Variants in NALF1 observed in about 807,000 individuals in gnomAD.
NALF1 encodes family with sequence similarity 155 member A.
NALF1 carries 3 observed loss-of-function variants against 48.4 expected under a neutral mutation model. That is an observed-to-expected ratio of 0.06 (90% CI 0.03 to 0.16). NALF1 has a LOEUF of 0.16. NALF1 is among the 10% of genes least tolerant of loss of function. NALF1 has a pLI of 1.00. For synonymous variants in NALF1, 262 were observed against 245.7 expected, an observed-to-expected ratio of 1.07 and a Z score of -0.62; for missense variants, 526 against 571.5, an observed-to-expected ratio of 0.92 and a Z score of 0.81.
chr13:107,418,214 T>C (rs1269425505), intron 1 of NALF1, among the ~76,000 whole-genome samples: 1 of 152,162 alleles, frequency 6.6e-6, no homozygotes, highest in African/African-American at 2.4e-5. Flanking sequence ...TTGGAGACTA[T>C]CCCTATGCAG....
At chr13:107,283,328 G>A (rs985002242) in intron 1 of NALF1, among the ~76,000 whole-genome samples, 6 of 152,078 alleles carry the variant, frequency 3.9e-5, no homozygotes, top group South Asian at 2.1e-4. Flanking sequence ...GGTGAAGTAC[G>A]GCAGCTCCAG....
At chr13:107,832,871 G>C (rs972952068) in intron 1 of NALF1, among the ~76,000 whole-genome samples, 4 of 151,906 alleles carry the variant, frequency 2.6e-5, no homozygotes, top group Non-Finnish European at 5.9e-5. Flanking sequence ...CAAATCATAG[G>C]CTGCATCTTC....
chr13:107,675,508 T>C (rs565801321), intron 1 of NALF1, among the ~76,000 whole-genome samples: 81 of 152,378 alleles, frequency 5.3e-4, no homozygotes, highest in African/African-American at 1.9e-3. Context: ...CTCGTTTCTT[T>C]TTCTTGAATC....
chr13:107,222,533 C>G (rs1452259079), intron 1 of NALF1, among the ~76,000 whole-genome samples: 1 of 152,136 alleles, frequency 6.6e-6, no homozygotes, highest in East Asian at 1.9e-4. Flanking sequence ...CATACTTTAA[C>G]AGATTATCTT....
intron 1 of NALF1, among the ~76,000 whole-genome samples, chr13:107,713,450 G>C (rs957958435): frequency 2.0e-5 from 3 of 152,156 alleles, no homozygotes; most frequent in African/African-American, 7.2e-5. Flanking sequence ...GCTGTGCCAA[G>C]TGCCTTACAT....
intron 1 of NALF1, among the ~76,000 whole-genome samples, chr13:107,340,488 T>TCTTTCTTTCTTTCTTCTCTC (rs753373252): frequency 2.2e-5 from 1 of 45,248 alleles, no homozygotes; most frequent in Non-Finnish European, 7.1e-5. Context: ...TTTCTTTCTT[T>TCTTTCTTTCTTTCTTCTCTC]TTGTCTTTCT....
In NALF1 at chr13:107,745,619, A is replaced by C. The variant is rs1174081713; in HGVS notation, c.915+120063T>G. ...AATCAAGGAGTAGTTCTGCTTGCACATGGTACCAATATTTATTTATTTATT... is the reference window on the plus strand; with the variant it reads ...AATCAAGGAGTAGTTCTGCTTGCACCTGGTACCAATATTTATTTATTTATT... On this transcript the variant is annotated intron_variant, in intron 1 of 2. Coordinates refer to ENST00000375915, the MANE Select transcript of NALF1 (RefSeq NM_001080396.3). Among the ~76,000 whole-genome samples, 4 of 152,104 alleles carry C rather than the reference A, an allele frequency of 2.6e-5. No individual in the cohort carries two copies. In the East Asian group the frequency reaches 5.8e-4, roughly 22 times the overall value.
intron 1 of NALF1, among the ~76,000 whole-genome samples, chr13:107,797,285 G>A (rs1395427160): frequency 5.9e-5 from 9 of 151,962 alleles, no homozygotes; most frequent in African/African-American, 9.7e-5. Flanking sequence ...AGCTCACTGC[G>A]AGCTCTGCTT....
At chr13:107,740,878 A>T (rs1340882967) in intron 1 of NALF1, among the ~76,000 whole-genome samples, 1 of 152,226 alleles carries the variant, frequency 6.6e-6, no homozygotes, top group Non-Finnish European at 1.5e-5. Flanking sequence ...TGTACAAGAG[A>T]AGGATAAGCT....
intron 1 of NALF1, among the ~76,000 whole-genome samples, chr13:107,721,924 T>C (rs1381088898): frequency 6.6e-6 from 1 of 152,218 alleles, no homozygotes; most frequent in African/African-American, 2.4e-5. Context: ...GCTTTTGGCG[T>C]GCTCTGTTTA....
chr13:107,516,833 T>C (rs564978051), intron 1 of NALF1, among the ~76,000 whole-genome samples: 4 of 152,290 alleles, frequency 2.6e-5, no homozygotes, highest in African/African-American at 9.6e-5. Flanking sequence ...CAAATAAACA[T>C]TAAAGTTTGT....
intron 1 of NALF1, among the ~76,000 whole-genome samples, chr13:107,563,734 G>A (rs886725793): frequency 6.6e-6 from 1 of 152,154 alleles, no homozygotes; most frequent in African/African-American, 2.4e-5. Context: ...TTACCATTCT[G>A]GTCACTGGCA....
chr13:107,460,330 G>T (rs948017186), intron 1 of NALF1, among the ~76,000 whole-genome samples: 1 of 152,202 alleles, frequency 6.6e-6, no homozygotes, highest in East Asian at 1.9e-4. Context: ...TGGGAGCTCA[G>T]CAACGAGGGT....
At chr13:107,551,771 C>G (rs538665301) in intron 1 of NALF1, among the ~76,000 whole-genome samples, 1 of 152,030 alleles carries the variant, frequency 6.6e-6, no homozygotes, top group Non-Finnish European at 1.5e-5. Flanking sequence ...ATAATCCTTG[C>G]AGTATTTCTT....
chr13:107,288,675 G>C (rs886633464), intron 1 of NALF1, among the ~76,000 whole-genome samples: 1 of 151,562 alleles, frequency 6.6e-6, no homozygotes, highest in African/African-American at 2.4e-5. Context: ...GGAATTACAG[G>C]TGCCTGCCAC....
In NALF1 at chr13:107,581,345, G is replaced by A. The variant is rs1334360214; in HGVS notation, c.915+284337C>T. On this transcript the variant is annotated intron_variant, in intron 1 of 2. Coordinates refer to ENST00000375915, the MANE Select transcript of NALF1 (RefSeq NM_001080396.3). ...CAACAAAGGAAAGCTCTGTAACTTA[G>A]TGCACTATCATTCCGTATCTGATTC... Among the ~76,000 whole-genome samples the A allele has an allele frequency of 3.3e-5, 5 of 152,272 alleles. No homozygotes were observed. The East Asian group carries it at 9.7e-4, about 29-fold the overall frequency.
intron 1 of NALF1, among the ~76,000 whole-genome samples, chr13:107,393,816 C>T (rs943318054): frequency 6.6e-6 from 1 of 152,000 alleles, no homozygotes; most frequent in African/African-American, 2.4e-5. Flanking sequence ...CACAATAAAA[C>T]TCTATATAAC....
chr13:107,667,817 A>G (rs1437043646), intron 1 of NALF1, among the ~76,000 whole-genome samples: 1 of 152,134 alleles, frequency 6.6e-6, no homozygotes, highest in Non-Finnish European at 1.5e-5. Context: ...AGAGGCACCT[A>G]ATGAAACCAC....
chr13:107,307,243 A>G (rs923949065), intron 1 of NALF1, among the ~76,000 whole-genome samples: 1 of 152,118 alleles, frequency 6.6e-6, no homozygotes, highest in African/African-American at 2.4e-5. Context: ...TCACCTAGGG[A>G]GGTTGGAAAT....
Sources: allele counts gnomAD v4.1 joint callset (sites outside exome capture counted in the v4.1 genomes callset), GRCh38; gene constraint gnomAD v4.1.1; transcripts MANE v1.5; gene names NCBI Gene and HGNC (gene_info 2026-07-23, HGNC 2026-07-21).